Variants in HSF2BP observed in about 807,000 individuals in gnomAD.
HSF2BP encodes heat shock factor 2-binding protein.
A neutral mutation model predicts 35.0 loss-of-function variants in HSF2BP; 35 were observed. The ratio of observed to expected loss-of-function variants is 1.00; its 90% CI spans 0.76 to 1.32. The LOEUF (loss-of-function observed/expected upper bound fraction) is 1.32. HSF2BP is among the 40% of genes most tolerant of loss of function. The pLI is 0.00. For synonymous variants in HSF2BP, 114 were observed against 117.4 expected (o/e 0.97, Z 0.18); for missense variants, 326 against 321.7 (o/e 1.01, Z -0.10).
At chr21:43,613,780 G>A (rs2082237342) in intron 7 of HSF2BP, 50 bp downstream of exon 7, 2 of 1,236,094 alleles carry the variant, frequency 1.6e-6, no homozygotes, top group Admixed American at 1.7e-5. Flanking sequence ...AATCAGCACA[G>A]TCTAATTAAT....
At chr21:43,636,248 GAAAAGAAAAGAAAAGAAAAGAA>G (rs1288821967) in intron 4 of HSF2BP, among the ~76,000 whole-genome samples, 2 of 121,072 alleles carry the variant, frequency 1.7e-5, no homozygotes, top group African/African-American at 8.9e-5. Context: ...GAAAAGAAAA[GAAAAGAAAAGAAAAGAAAAGAA>G]AAAACGAAGG....
intron 4 of HSF2BP, among the ~76,000 whole-genome samples, chr21:43,640,817 T>C (rs2082626800): frequency 6.6e-6 from 1 of 151,494 alleles, no homozygotes; most frequent in Non-Finnish European, 1.5e-5. Flanking sequence ...AAAAAAGCTG[T>C]ATAAATTTAC....
At position 43,616,490 on chromosome 21, in the gene HSF2BP, G is replaced by A. The variant is rs1012156279; in HGVS notation, c.575-2543C>T. 4.6e-5 allele frequency among the ~76,000 whole-genome samples: 7 copies of A among 151,966 alleles called. No individual in the cohort carries two copies. In the South Asian group the frequency reaches 6.2e-4, roughly 13 times the overall value. On this transcript the variant is annotated intron_variant, in intron 6 of 8. Transcript: ENST00000291560. ...AAAACCCTGTCTCTACTAAAAATACGAAATTAGCCAGGCGTCGTGGCTTAC... is the reference window on the plus strand; with the variant it reads ...AAAACCCTGTCTCTACTAAAAATACAAAATTAGCCAGGCGTCGTGGCTTAC...
chr21:43,655,885 CT>C (rs2082860995), intron 3 of HSF2BP, among the ~76,000 whole-genome samples: 1 of 152,208 alleles, frequency 6.6e-6, no homozygotes, highest in African/African-American at 2.4e-5. Flanking sequence ...GAGCTATCTT[CT>C]TGTCTGGACA....
chr21:43,649,376 T>C (rs1479005678), intron 3 of HSF2BP, among the ~76,000 whole-genome samples: 1 of 151,634 alleles, frequency 6.6e-6, no homozygotes, highest in Admixed American at 6.6e-5. Context: ...GGGGTTGCAG[T>C]GAGTCAAGAT....
At chr21:43,622,773 A>G (rs1164552055) in intron 6 of HSF2BP, among the ~76,000 whole-genome samples, 2 of 152,184 alleles carry the variant, frequency 1.3e-5, no homozygotes, top group East Asian at 3.8e-4. Flanking sequence ...CCAGACCAAA[A>G]AAAAATCAAC....
intron 3 of HSF2BP, among the ~76,000 whole-genome samples, chr21:43,653,458 C>T (rs894796527): frequency 2.0e-5 from 3 of 150,904 alleles, no homozygotes; most frequent in Admixed American, 2.0e-4. Flanking sequence ...AACCATGTGT[C>T]TGAAGGAAGC....
intron 3 of HSF2BP, among the ~76,000 whole-genome samples, chr21:43,648,352 C>A (rs550865112): frequency 1.3e-5 from 2 of 152,146 alleles, no homozygotes; most frequent in Admixed American, 1.3e-4. Context: ...ATCCTCCCTG[C>A]TGGGCTTCAT....
At chr21:43,583,467 T>G in intron 8 of HSF2BP, among the ~76,000 whole-genome samples, 1 of 59,732 alleles carries the variant, frequency 1.7e-5, no homozygotes, top group Non-Finnish European at 3.0e-5. Context: ...CTGAGGGAGA[T>G]GAAGGCCTGC....
intron 8 of HSF2BP, among the ~76,000 whole-genome samples, chr21:43,580,482 G>T (rs1311710009): frequency 2.0e-5 from 3 of 152,176 alleles, no homozygotes; most frequent in Non-Finnish European, 2.9e-5. Flanking sequence ...TCTTGTTAAA[G>T]TTATCATGTA....
chr21:43,656,096 A>G (rs947030139), intron 3 of HSF2BP, among the ~76,000 whole-genome samples: 3 of 152,226 alleles, frequency 2.0e-5, no homozygotes, highest in African/African-American at 7.2e-5. Context: ...CTGGTATTCA[A>G]CATAACAGCT....
chr21:43,633,216 CTA>C, intron 5 of HSF2BP, 54 bp downstream of exon 5: 1 of 1,560,648 alleles, frequency 6.4e-7, no homozygotes, highest in Non-Finnish European at 8.7e-7. Context: ...GCTATATGCT[CTA>C]ATTTACACAA....
Position 43,639,953 on chromosome 21 carries a change from A to C in HSF2BP, c.291+4336T>G, listed in dbSNP as rs574231151. ...AATTGCAACATATACATACCATGGA[A>C]TATGAGGCAATAAAAATATCTAACG... On this transcript the variant is annotated intron_variant, in intron 4 of 8. Coordinates refer to ENST00000291560, the MANE Select transcript of HSF2BP (RefSeq NM_007031.2). 1.5e-3 allele frequency among the ~76,000 whole-genome samples: 224 copies of C among 152,344 alleles called. 1 individual carries two copies. The highest frequency in any genetic ancestry group is 5.1e-3 in the African/African-American group (213 of 41,572).
At chr21:43,600,866 T>C (rs1383403729) in intron 7 of HSF2BP, among the ~76,000 whole-genome samples, 1 of 152,220 alleles carries the variant, frequency 6.6e-6, no homozygotes, top group East Asian at 1.9e-4. Context: ...TAGCCACGCA[T>C]TGCTAATACT....
intron 8 of HSF2BP, among the ~76,000 whole-genome samples, chr21:43,574,632 C>T (rs1224539844): frequency 2.0e-5 from 3 of 152,216 alleles, no homozygotes; most frequent in Non-Finnish European, 4.4e-5. Context: ...GCTGGGATTA[C>T]AGGCTTGAGC....
chr21:43,596,290 T>C (rs1417210130), intron 7 of HSF2BP, among the ~76,000 whole-genome samples: 1 of 152,040 alleles, frequency 6.6e-6, no homozygotes, highest in Non-Finnish European at 1.5e-5. Context: ...AAACTGAAAG[T>C]ACATCTCTAT....
chr21:43,634,872 T>C (rs1278918181), intron 4 of HSF2BP, among the ~76,000 whole-genome samples: 1 of 152,204 alleles, frequency 6.6e-6, no homozygotes, highest in Non-Finnish European at 1.5e-5. Context: ...AAGAAAACTA[T>C]GTCACAGCAC....
At chr21:43,624,815 G>A (rs1049566317) in intron 6 of HSF2BP, among the ~76,000 whole-genome samples, 2 of 151,972 alleles carry the variant, frequency 1.3e-5, no homozygotes, top group African/African-American at 4.8e-5. Context: ...AATCTTCACA[G>A]GACTGTGAAG....
At chr21:43,656,299 A>G (rs549368484) in intron 3 of HSF2BP, among the ~76,000 whole-genome samples, 69 of 152,344 alleles carry the variant, frequency 4.5e-4, no homozygotes, top group African/African-American at 1.6e-3. Flanking sequence ...TTTTCAGAAT[A>G]GAGCTTTTCA....
Sources: allele counts gnomAD v4.1 joint callset (sites outside exome capture counted in the v4.1 genomes callset), GRCh38; gene constraint gnomAD v4.1.1; transcripts MANE v1.5; gene names NCBI Gene and HGNC (gene_info 2026-07-23, HGNC 2026-07-21).